Variants in LIN7A observed in about 807,000 individuals in gnomAD.
The protein encoded by LIN7A is protein lin-7 homolog A.
A neutral mutation model predicts 29.8 loss-of-function variants in LIN7A; 25 were observed. The observed-to-expected ratio is 0.84, with a 90% CI of 0.61 to 1.17. The LOEUF (loss-of-function observed/expected upper bound fraction) is 1.17, where lower values mean the gene tolerates loss of function less well. LIN7A is among the 50% of genes most tolerant of loss of function. LIN7A has a pLI of 0.00. For synonymous variants in LIN7A, 118 were observed against 107.5 expected (o/e 1.10, Z -0.60); for missense variants, 239 against 287.0 (o/e 0.83, Z 1.21).
At chr12:80,799,041 A>G (rs1870593879) in intron 5 of LIN7A, among the ~76,000 whole-genome samples, 1 of 152,130 alleles carries the variant, frequency 6.6e-6, no homozygotes, top group Non-Finnish European at 1.5e-5. Flanking sequence ...CTAGAGGCTG[A>G]GTTCTTAATG....
intron 1 of LIN7A, among the ~76,000 whole-genome samples, chr12:80,890,412 C>A (rs911809470): frequency 2.0e-5 from 3 of 152,118 alleles, no homozygotes; most frequent in Non-Finnish European, 2.9e-5. Flanking sequence ...ACTCATCCAT[C>A]CAGTATTTTG....
At chr12:80,919,845 T>A (rs1339763664) in intron 1 of LIN7A, among the ~76,000 whole-genome samples, 12 of 152,116 alleles carry the variant, frequency 7.9e-5, no homozygotes, top group Admixed American at 7.9e-4. Flanking sequence ...AGAGGCTTCC[T>A]AAGACTGAGG....
chr12:80,935,707 G>C (rs1358207113), intron 1 of LIN7A: 2 of 447,794 alleles, frequency 4.5e-6, no homozygotes, highest in Admixed American at 2.0e-5. Context: ...CTTGGTTATA[G>C]ATTTTCCATG....
intron 4 of LIN7A, among the ~76,000 whole-genome samples, chr12:80,827,493 C>A (rs965540296): frequency 1.3e-5 from 2 of 152,130 alleles, no homozygotes; most frequent in African/African-American, 2.4e-5. Context: ...ACAGAATGTA[C>A]CCAATAAATG....
chr12:80,915,230 A>T (rs1876973967), intron 1 of LIN7A, among the ~76,000 whole-genome samples: 2 of 152,190 alleles, frequency 1.3e-5, no homozygotes, highest in Non-Finnish European at 2.9e-5. Flanking sequence ...GACACTTCTC[A>T]AAAGAAGACA....
At chr12:80,888,806 C>A (rs12304000) in intron 2 of LIN7A, among the ~76,000 whole-genome samples, 10,612 of 152,124 alleles carry the variant, frequency 0.07, 588 homozygotes, top group Admixed American at 0.16. Flanking sequence ...AAAGGCATAC[C>A]AGCCTATCTG....
chr12:80,853,939 C>G (rs529116419), intron 2 of LIN7A, among the ~76,000 whole-genome samples: 3 of 152,112 alleles, frequency 2.0e-5, no homozygotes, highest in African/African-American at 7.2e-5. Flanking sequence ...AGTGATCCGA[C>G]GGCCTCGGCT....
chr12:80,806,723 A>G (rs1361519820), intron 5 of LIN7A, among the ~76,000 whole-genome samples: 1 of 152,228 alleles, frequency 6.6e-6, no homozygotes, highest in African/African-American at 2.4e-5. Flanking sequence ...TGTAGTAAGA[A>G]TTAGCAAGTG....
At chr12:80,917,197 G>C (rs1427318233) in intron 1 of LIN7A, among the ~76,000 whole-genome samples, 1 of 151,856 alleles carries the variant, frequency 6.6e-6, no homozygotes, top group Non-Finnish European at 1.5e-5. Context: ...AGAGGAGAAG[G>C]GTATGCTTAT....
At chr12:80,810,247 C>G (rs954978283) in intron 5 of LIN7A, among the ~76,000 whole-genome samples, 3 of 152,190 alleles carry the variant, frequency 2.0e-5, no homozygotes, top group Non-Finnish European at 4.4e-5. Context: ...TAAAGTTTTT[C>G]AGATTCCACA....
At position 80,909,570 on chromosome 12, in the gene LIN7A, CTT is replaced by C. The variant is rs538155672; in HGVS notation, c.83-20203_83-20202del. ...GGGTCCACTTTCTCACAGATGGCAT[CTT>C]TTGCTGTGTCCTCGCGTGGCAGAAG... On this transcript the variant is annotated intron_variant, in intron 1 of 5. Transcript: ENST00000552864. Among the ~76,000 whole-genome samples the C allele has an allele frequency of 5.9e-5, 9 of 152,176 alleles. No homozygotes were observed. In the South Asian group the frequency reaches 1.9e-3, roughly 32 times the overall value.
At chr12:80,936,507 T>G (rs1317989452) in intron 1 of LIN7A, 1 of 152,214 alleles carries the variant, frequency 6.6e-6, no homozygotes, top group East Asian at 1.9e-4. Flanking sequence ...TCGGACTAAA[T>G]CATTTTCTTC....
In LIN7A at chr12:80,795,072, T is replaced by C. The variant is rs1420493410; in HGVS notation, c.*2655A>G. 1 of 152,180 alleles carries C rather than the reference T, an allele frequency of 6.6e-6. No individual in the cohort carries two copies. The highest frequency in any genetic ancestry group is 2.4e-5 in the African/African-American group (1 of 41,450). The allele number at this position is 152,180 out of a possible 1,614,324, so 9.4% of individuals were successfully genotyped here. On this transcript the variant is annotated 3_prime_UTR_variant, in exon 6 of 6. Transcript: ENST00000552864. ...TACCTAATTTGTTTATTACATTGAA[T>C]TGAGCTTCATGTCAGAGCAATGCAG...
At chr12:80,855,210 G>A (rs1873537969) in intron 2 of LIN7A, among the ~76,000 whole-genome samples, 1 of 152,152 alleles carries the variant, frequency 6.6e-6, no homozygotes, top group African/African-American at 2.4e-5. Context: ...CATATAATAG[G>A]TATTATCAGA....
intron 1 of LIN7A, among the ~76,000 whole-genome samples, chr12:80,904,572 T>C (rs1365970291): frequency 6.6e-6 from 1 of 152,196 alleles, no homozygotes; most frequent in Non-Finnish European, 1.5e-5. Flanking sequence ...CTTAACATCA[T>C]GTCTTTCAGA....
intron 2 of LIN7A, among the ~76,000 whole-genome samples, chr12:80,868,574 A>C (rs1008925182): frequency 2.0e-5 from 3 of 152,184 alleles, no homozygotes; most frequent in African/African-American, 7.2e-5. Context: ...GTCTCAAAAA[A>C]TCAATCAAAC....
At chr12:80,915,751 A>G (rs1877000871) in intron 1 of LIN7A, among the ~76,000 whole-genome samples, 1 of 152,246 alleles carries the variant, frequency 6.6e-6, no homozygotes, top group African/African-American at 2.4e-5. Flanking sequence ...TGATTAAGCT[A>G]TTATCCTAAG....
At chr12:80,813,164 C>T (rs1224581193) in intron 4 of LIN7A, among the ~76,000 whole-genome samples, 3 of 152,008 alleles carry the variant, frequency 2.0e-5, no homozygotes. Context: ...GTGCCTGCCA[C>T]CACGCCCAGC....
At chr12:80,929,644 T>C (rs943754757) in intron 1 of LIN7A, among the ~76,000 whole-genome samples, 5 of 152,208 alleles carry the variant, frequency 3.3e-5, no homozygotes, top group Non-Finnish European at 5.9e-5. Flanking sequence ...TGTCTACTCT[T>C]AGTGATTTTC....
Sources: allele counts gnomAD v4.1 joint callset (sites outside exome capture counted in the v4.1 genomes callset), GRCh38; gene constraint gnomAD v4.1.1; transcripts MANE v1.5; gene names NCBI Gene and HGNC (gene_info 2026-07-23, HGNC 2026-07-21).